Variants in FHIT observed in about 807,000 individuals in gnomAD.
FHIT encodes fragile histidine triad diadenosine triphosphatase.
Under a neutral mutation model 17.9 loss-of-function variants are expected in FHIT, and 19 were observed. The observed-to-expected ratio is 1.06, with a 90% CI of 0.74 to 1.56. The LOEUF (loss-of-function observed/expected upper bound fraction) is 1.56, where lower values mean the gene tolerates loss of function less well. FHIT is among the 40% of genes most tolerant of loss of function. FHIT has a pLI of 0.00. For synonymous variants in FHIT, 81 were observed against 69.7 expected (o/e 1.16, Z -0.81); for missense variants, 248 against 189.2 (o/e 1.31, Z -1.82).
At chr3:61,205,593 T>C (rs965913732) in intron 1 of FHIT, among the ~76,000 whole-genome samples, 1 of 152,252 alleles carries the variant, frequency 6.6e-6, no homozygotes, top group Non-Finnish European at 1.5e-5. Flanking sequence ...CATTTTTTCA[T>C]GTGTCTTTTG....
At chr3:60,981,264 G>A (rs1342687205) in intron 3 of FHIT, among the ~76,000 whole-genome samples, 3 of 151,276 alleles carry the variant, frequency 2.0e-5, no homozygotes, top group Non-Finnish European at 4.4e-5. Flanking sequence ...TCTCTGACCA[G>A]GCCTTTTCTC....
chr3:60,688,013 C>A (rs902190705), intron 4 of FHIT, among the ~76,000 whole-genome samples: 1 of 151,586 alleles, frequency 6.6e-6, no homozygotes, highest in South Asian at 2.1e-4. Context: ...CTTGTCCATT[C>A]TATTGTTCTT....
intron 4 of FHIT, among the ~76,000 whole-genome samples, chr3:60,778,611 C>T (rs892509323): frequency 7.2e-5 from 11 of 152,218 alleles, no homozygotes; most frequent in Non-Finnish European, 1.5e-4. Context: ...GTAAGGTATA[C>T]TCCTATGAAC....
chr3:60,520,648 C>CA (rs113011443), intron 5 of FHIT, among the ~76,000 whole-genome samples: 23,729 of 149,164 alleles, frequency 0.16, 2,165 homozygotes, highest in Middle Eastern at 0.25. Context: ...GCTTCACTTT[C>CA]AAAAAAAAAA....
At chr3:60,599,090 G>C (rs978720983) in intron 4 of FHIT, among the ~76,000 whole-genome samples, 1 of 152,168 alleles carries the variant, frequency 6.6e-6, no homozygotes, top group Non-Finnish European at 1.5e-5. Context: ...AAAAGTTACA[G>C]GAAGATTGGT....
At chr3:60,093,357 T>C (rs952629139) in intron 5 of FHIT, among the ~76,000 whole-genome samples, 2 of 152,178 alleles carry the variant, frequency 1.3e-5, no homozygotes, top group Admixed American at 1.3e-4. Context: ...CACATCACTC[T>C]GACCTGCTTT....
In FHIT at chr3:60,432,268, G is replaced by A. The variant is rs1327125523; in HGVS notation, c.103+104592C>T. ...TGGGATTAGAGGCATGAGCCACCAT[G>A]CCTAGTCTGGGCCTTTATTTTTAAT... is the stretch of plus-strand genomic sequence containing the variant. On this transcript the variant is annotated intron_variant, in intron 5 of 9. Transcript: ENST00000492590. 5.3e-5 allele frequency among the ~76,000 whole-genome samples: 8 copies of A among 152,100 alleles called. No homozygotes were observed. The East Asian group carries it at 1.4e-3, about 26-fold the overall frequency.
intron 5 of FHIT, among the ~76,000 whole-genome samples, chr3:60,062,640 C>T (rs1180732683): frequency 6.6e-6 from 1 of 152,230 alleles, no homozygotes; most frequent in East Asian, 1.9e-4. Context: ...TCTGTTAATC[C>T]TTACACCAGA....
intron 3 of FHIT, among the ~76,000 whole-genome samples, chr3:61,031,848 C>T (rs1159216519): frequency 2.6e-5 from 4 of 152,182 alleles, no homozygotes; most frequent in Non-Finnish European, 5.9e-5. Flanking sequence ...CTGAGGACCA[C>T]CACCAACTGT....
At chr3:60,133,623 G>A (rs1699688680) in intron 5 of FHIT, among the ~76,000 whole-genome samples, 1 of 152,008 alleles carries the variant, frequency 6.6e-6, no homozygotes, top group Non-Finnish European at 1.5e-5. Context: ...GTGGGGACCA[G>A]GGGGCAGAGT....
intron 5 of FHIT, among the ~76,000 whole-genome samples, chr3:60,313,903 T>C (rs1709055923): frequency 6.6e-6 from 1 of 152,232 alleles, no homozygotes; most frequent in Non-Finnish European, 1.5e-5. Flanking sequence ...AGTGCTGCTC[T>C]TGGCCCAAAT....
intron 2 of FHIT, among the ~76,000 whole-genome samples, chr3:61,166,130 G>C (rs1214594867): frequency 6.6e-6 from 1 of 152,108 alleles, no homozygotes; most frequent in Non-Finnish European, 1.5e-5. Context: ...ACCGTTTTTT[G>C]TCAGTCATTT....
intron 5 of FHIT, among the ~76,000 whole-genome samples, chr3:60,246,231 T>C (rs1242610287): frequency 1.3e-5 from 2 of 152,026 alleles, no homozygotes; most frequent in Non-Finnish European, 1.5e-5. Context: ...AGAACAGTTA[T>C]ACTAAAATAA....
At chr3:59,902,943 T>A (rs1704400675) in intron 8 of FHIT, among the ~76,000 whole-genome samples, 1 of 152,130 alleles carries the variant, frequency 6.6e-6, no homozygotes, top group Non-Finnish European at 1.5e-5. Context: ...TCTTTACTGC[T>A]CTCACCATGC....
intron 4 of FHIT, among the ~76,000 whole-genome samples, chr3:60,812,612 G>A (rs1262562044): frequency 6.6e-6 from 1 of 152,164 alleles, no homozygotes. Context: ...CTCCACTGGT[G>A]ACTTCACAGT....
chr3:61,154,512 T>C (rs575459637), intron 2 of FHIT, among the ~76,000 whole-genome samples: 8 of 152,298 alleles, frequency 5.3e-5, no homozygotes, highest in African/African-American at 1.9e-4. Flanking sequence ...AGCCTTCTGG[T>C]ATTAGACCTG....
At chr3:60,490,099 G>C (rs1357928054) in intron 5 of FHIT, among the ~76,000 whole-genome samples, 1 of 151,992 alleles carries the variant, frequency 6.6e-6, no homozygotes, top group African/African-American at 2.4e-5. Flanking sequence ...TCAACACCAA[G>C]AAACAATATT....
chr3:60,829,222 A>G (rs376168392), intron 3 of FHIT, among the ~76,000 whole-genome samples: 8 of 152,290 alleles, frequency 5.3e-5, no homozygotes, highest in African/African-American at 1.9e-4. Context: ...CCCAACACCT[A>G]CTACTATGTT....
At chr3:60,567,616 T>C (rs2037187487) in intron 4 of FHIT, among the ~76,000 whole-genome samples, 1 of 152,030 alleles carries the variant, frequency 6.6e-6, no homozygotes, top group East Asian at 1.9e-4. Context: ...GGGATCTAAT[T>C]AAACTAAAGA....
Sources: gnomAD v4.1 joint callset for allele counts (sites outside exome capture counted in the v4.1 genomes callset) on GRCh38, gnomAD v4.1.1 for gene constraint, MANE v1.5 for transcripts, NCBI Gene and HGNC (gene_info 2026-07-23, HGNC 2026-07-21) for gene names.